CSMD1: variants seen among roughly 807,000 people sequenced by gnomAD.
The protein encoded by CSMD1 is CUB and sushi domain-containing protein 1.
Under a neutral mutation model 417.5 loss-of-function variants are expected in CSMD1, and 213 were observed. The ratio of observed to expected loss-of-function variants is 0.51; its 90% CI spans 0.46 to 0.57. The LOEUF (loss-of-function observed/expected upper bound fraction) is 0.57. Among genes scored for constraint, CSMD1 ranks in the 20% least tolerant of loss-of-function variants. CSMD1 has a pLI of 0.00. For missense variants in CSMD1, 6,923 were observed against 4,529.7 expected, an observed-to-expected ratio of 1.53 and a Z score of -15.17; for synonymous variants, 2,862 against 1,736.8, an observed-to-expected ratio of 1.65 and a Z score of -16.11.
intron 12 of CSMD1, among the ~76,000 whole-genome samples, chr8:3,439,309 A>ATATATATATATATATATAT: frequency 7.7e-4 from 48 of 62,410 alleles, no homozygotes; most frequent in African/African-American, 1.3e-3. Context: ...ATATATATAT[A>ATATATATATATATATATAT]TTTTTTTTTT....
At chr8:2,959,547 C>A (rs1178379030) in intron 62 of CSMD1, among the ~76,000 whole-genome samples, 1 of 149,774 alleles carries the variant, frequency 6.7e-6, no homozygotes, top group African/African-American at 2.4e-5. Context: ...AATACAGTCT[C>A]CTTCTCAATA....
At chr8:4,070,410 T>G (rs999343046) in intron 3 of CSMD1, among the ~76,000 whole-genome samples, 1 of 152,096 alleles carries the variant, frequency 6.6e-6, no homozygotes, top group African/African-American at 2.4e-5. Flanking sequence ...CAGGCTGGAG[T>G]GCAGTGGTGG....
intron 23 of CSMD1, among the ~76,000 whole-genome samples, chr8:3,312,532 G>C (rs1484282100): frequency 6.6e-6 from 1 of 152,170 alleles, no homozygotes; most frequent in African/African-American, 2.4e-5. Flanking sequence ...ACTGAAGAGA[G>C]CTTTGTTCTC....
chr8:3,015,358 T>C (rs1808745907), intron 52 of CSMD1, among the ~76,000 whole-genome samples: 1 of 152,188 alleles, frequency 6.6e-6, no homozygotes, highest in African/African-American at 2.4e-5. Context: ...CTCTGTTTGT[T>C]TGGGTAATTT....
intron 3 of CSMD1, among the ~76,000 whole-genome samples, chr8:4,337,672 A>C (rs113469880): frequency 0.017 from 2,627 of 152,242 alleles, 70 homozygotes; most frequent in African/African-American, 0.06. Flanking sequence ...TCTCACAGAC[A>C]ATTTTTTCTT....
intron 5 of CSMD1, among the ~76,000 whole-genome samples, chr8:3,975,390 G>C (rs1813363380): frequency 6.6e-6 from 1 of 152,088 alleles, no homozygotes; most frequent in Admixed American, 6.6e-5. Flanking sequence ...ATGAGCTACA[G>C]TGAGCATTAT....
rs757726712 is a variant in CSMD1 at position 3,396,335 on chromosome 8, G to T, written c.2452C>A (p.Pro818Thr). Residue 818 changes from proline to threonine, a missense_variant, in exon 17 of 70, where the codon CCA becomes ACA. By Grantham distance (38) the Pro-to-Thr change is conservative. Coordinates refer to ENST00000635120, the MANE Select transcript of CSMD1 (RefSeq NM_033225.6). ...CCGATCAGTGGGGACGAACTGGCTG[G>T]CCCATCTCTGACCTCCAAGGTGTCA... is the stretch of plus-strand genomic sequence containing the variant. ...NYDTLEVRDG[P>T]ASSSPLIGEY... 2.6e-5 allele frequency: 41 copies of T among 1,606,942 alleles called. No homozygotes were observed. Among genetic ancestry groups the T allele is most frequent in the Non-Finnish European group, 3.5e-5 (41 of 1,176,700 alleles).
chr8:4,716,555 T>G (rs1029815029), intron 1 of CSMD1, among the ~76,000 whole-genome samples: 17 of 152,234 alleles, frequency 1.1e-4, no homozygotes, highest in Non-Finnish European at 2.1e-4. Flanking sequence ...AGATAAATTT[T>G]AGGCACAGAT....
intron 69 of CSMD1, among the ~76,000 whole-genome samples, chr8:2,940,341 G>C: frequency 6.6e-6 from 1 of 152,196 alleles, no homozygotes; most frequent in East Asian, 1.9e-4. Context: ...TGGCCTCATA[G>C]CCGTCCTCTT....
At chr8:4,522,593 A>G (rs543073067) in intron 2 of CSMD1, among the ~76,000 whole-genome samples, 5 of 152,312 alleles carry the variant, frequency 3.3e-5, no homozygotes, top group African/African-American at 1.2e-4. Flanking sequence ...CTGTCTTTTG[A>G]TAAGAGACAG....
chr8:4,644,646 T>C (rs1247327824), intron 1 of CSMD1, among the ~76,000 whole-genome samples: 1 of 152,216 alleles, frequency 6.6e-6, no homozygotes, highest in African/African-American at 2.4e-5. Flanking sequence ...TGACCTCAGG[T>C]GATGGCCTCG....
At chr8:3,963,532 A>G (rs1055730609) in intron 5 of CSMD1, among the ~76,000 whole-genome samples, 3 of 152,214 alleles carry the variant, frequency 2.0e-5, no homozygotes, top group Non-Finnish European at 2.9e-5. Context: ...AAAATTTTCT[A>G]TTATAAACAT....
intron 3 of CSMD1, among the ~76,000 whole-genome samples, chr8:4,353,807 C>G (rs528175245): frequency 2.0e-5 from 3 of 152,282 alleles, no homozygotes; most frequent in Admixed American, 1.3e-4. Context: ...ATGGCTCGAT[C>G]ATTAAAACCA....
chr8:4,114,089 T>G (rs1160900142), intron 3 of CSMD1, among the ~76,000 whole-genome samples: 1 of 152,204 alleles, frequency 6.6e-6, no homozygotes, highest in East Asian at 1.9e-4. Context: ...AACAGCCTTA[T>G]GTAGGAAGAA....
At chr8:4,359,717 A>G (rs907741283) in intron 3 of CSMD1, among the ~76,000 whole-genome samples, 8 of 152,240 alleles carry the variant, frequency 5.3e-5, no homozygotes, top group African/African-American at 1.7e-4. Flanking sequence ...GTCTATAGAC[A>G]GGAGCACTGT....
intron 49 of CSMD1, among the ~76,000 whole-genome samples, chr8:3,075,771 GT>G (rs1813620033): frequency 1.3e-5 from 2 of 151,804 alleles, no homozygotes; most frequent in Non-Finnish European, 2.9e-5. Flanking sequence ...GCTGGGCGCG[GT>G]GGCTCATGCC....
At chr8:4,693,905 G>T (rs1806946415) in intron 1 of CSMD1, among the ~76,000 whole-genome samples, 1 of 80,466 alleles carries the variant, frequency 1.2e-5, no homozygotes, top group Non-Finnish European at 2.5e-5. Flanking sequence ...ATCACAGTTT[G>T]CAGTTATTTT....
At chr8:3,157,271 T>C (rs1819595062) in intron 39 of CSMD1, among the ~76,000 whole-genome samples, 1 of 152,158 alleles carries the variant, frequency 6.6e-6, no homozygotes. Context: ...CACCAACCTT[T>C]GTACTGAGGG....
chr8:3,306,959 A>G (rs1357585358), intron 25 of CSMD1, among the ~76,000 whole-genome samples: 1 of 152,154 alleles, frequency 6.6e-6, no homozygotes, highest in African/African-American at 2.4e-5. Flanking sequence ...CATTTTCTGA[A>G]ATTTGCAATG....
Sources: gnomAD v4.1 joint callset for allele counts (sites outside exome capture counted in the v4.1 genomes callset) on GRCh38, gnomAD v4.1.1 for gene constraint, MANE v1.5 for transcripts, NCBI Gene and HGNC (gene_info 2026-07-23, HGNC 2026-07-21) for gene names.